Variants in EYS observed in about 807,000 individuals in gnomAD.
EYS encodes EGF-like photoreceptor maintenance factor, also known as protein eyes shut homolog.
Under a neutral mutation model 282.1 loss-of-function variants are expected in EYS, and 250 were observed. That is an observed-to-expected ratio of 0.89 (90% CI 0.80 to 0.98). The LOEUF is 0.98. Among genes scored for constraint, EYS ranks in the 50% least tolerant of loss-of-function variants. The probability of loss-of-function intolerance (pLI) is 0.00; values close to 1 mark genes in which losing one functional copy is unlikely to be tolerated. For synonymous variants in EYS, 1,355 were observed against 1,282.9 expected, an observed-to-expected ratio of 1.06 and a Z score of -1.20; for missense variants, 4,016 against 3,709.0, an observed-to-expected ratio of 1.08 and a Z score of -2.15.
chr6:65,342,152 A>G (rs973727695), intron 10 of EYS, among the ~76,000 whole-genome samples: 6 of 151,148 alleles, frequency 4.0e-5, no homozygotes, highest in Non-Finnish European at 8.9e-5. Flanking sequence ...GTACATATGT[A>G]TTTATTTATT....
chr6:64,600,656 A>G (rs749682201), intron 24 of EYS, among the ~76,000 whole-genome samples: 1 of 152,088 alleles, frequency 6.6e-6, no homozygotes, highest in Non-Finnish European at 1.5e-5. Context: ...TGTCTTTTCC[A>G]GCATACTACC....
chr6:64,192,392 G>A (rs1765142374), intron 31 of EYS, among the ~76,000 whole-genome samples: 2 of 152,130 alleles, frequency 1.3e-5, no homozygotes, highest in African/African-American at 4.8e-5. Context: ...TTTTAGACAT[G>A]AAGTCCTTGC....
chr6:64,282,263 T>G (rs909642354), intron 30 of EYS, among the ~76,000 whole-genome samples: 13 of 152,160 alleles, frequency 8.5e-5, no homozygotes, highest in African/African-American at 3.1e-4. Context: ...GTTGCAAAGA[T>G]TTTGGGACAG....
intron 8 of EYS, among the ~76,000 whole-genome samples, chr6:65,374,514 T>C (rs1432941733): frequency 6.7e-6 from 1 of 150,168 alleles, no homozygotes; most frequent in Non-Finnish European, 1.5e-5. Context: ...TTTTTTTTTT[T>C]TCGTACCCCA....
chr6:65,557,413 T>C (rs778017265), intron 2 of EYS, among the ~76,000 whole-genome samples: 1 of 152,110 alleles, frequency 6.6e-6, no homozygotes, highest in Non-Finnish European at 1.5e-5. Context: ...AGGTGCGAGT[T>C]TGTGTGAGGC....
At chr6:64,200,770 T>A (rs972682411) in intron 31 of EYS, among the ~76,000 whole-genome samples, 2 of 152,054 alleles carry the variant, frequency 1.3e-5, no homozygotes, top group Non-Finnish European at 2.9e-5. Context: ...TTAGTATTGA[T>A]AATTTGTATT....
intron 22 of EYS, among the ~76,000 whole-genome samples, chr6:64,735,616 T>C (rs1337012558): frequency 6.6e-6 from 1 of 152,176 alleles, no homozygotes; most frequent in Non-Finnish European, 1.5e-5. Flanking sequence ...TTTCTTAAAC[T>C]GAAAGGAAAA....
At chr6:65,464,098 T>C (rs1430228997) in intron 5 of EYS, among the ~76,000 whole-genome samples, 1 of 152,154 alleles carries the variant, frequency 6.6e-6, no homozygotes, top group African/African-American at 2.4e-5. Flanking sequence ...TTCCGATAAA[T>C]GGATGTAAAT....
chr6:64,363,699 A>T (rs529162630), intron 29 of EYS, among the ~76,000 whole-genome samples: 3 of 151,910 alleles, frequency 2.0e-5, no homozygotes, highest in Non-Finnish European at 4.4e-5. Flanking sequence ...CAATCTACCA[A>T]ATAGTGTGTC....
At chr6:63,914,061 G>A (rs1485318611) in intron 35 of EYS, among the ~76,000 whole-genome samples, 1 of 152,108 alleles carries the variant, frequency 6.6e-6, no homozygotes, top group Non-Finnish European at 1.5e-5. Flanking sequence ...TCCTATATAA[G>A]ATGGTGAACT....
At chr6:65,327,179 A>C (rs1433594902) in intron 11 of EYS, among the ~76,000 whole-genome samples, 1 of 151,586 alleles carries the variant, frequency 6.6e-6, no homozygotes, top group Non-Finnish European at 1.5e-5. Context: ...CCTAAATTCC[A>C]CCTTGATATA....
intron 19 of EYS, among the ~76,000 whole-genome samples, chr6:64,826,737 T>C (rs1418999229): frequency 6.6e-6 from 1 of 150,470 alleles, no homozygotes; most frequent in Non-Finnish European, 1.5e-5. Context: ...AGACTGTGTT[T>C]TTTTTTCTTA....
chr6:65,188,620 T>A (rs1321190374), intron 12 of EYS, among the ~76,000 whole-genome samples: 1 of 151,702 alleles, frequency 6.6e-6, no homozygotes, highest in Admixed American at 6.6e-5. Flanking sequence ...ATTAATGTTC[T>A]AATCAGCTGA....
intron 33 of EYS, among the ~76,000 whole-genome samples, chr6:64,052,820 C>T (rs892238494): frequency 4.8e-4 from 73 of 152,266 alleles, no homozygotes; most frequent in African/African-American, 1.6e-3. Context: ...TGCACTCATT[C>T]TCTCTTCTGC....
chr6:64,081,602 T>C (rs1264420311), intron 32 of EYS, among the ~76,000 whole-genome samples: 4 of 152,206 alleles, frequency 2.6e-5, no homozygotes, highest in African/African-American at 9.6e-5. Flanking sequence ...TATAGCCATA[T>C]GCTGTCAAAT....
chr6:64,114,223 G>T (rs1773303035), intron 31 of EYS, among the ~76,000 whole-genome samples: 1 of 152,122 alleles, frequency 6.6e-6, no homozygotes, highest in Admixed American at 6.5e-5. Flanking sequence ...TATAATTATT[G>T]AAATATTCCC....
At chr6:64,870,603 G>GAAT (rs1766566863) in intron 19 of EYS, among the ~76,000 whole-genome samples, 1 of 151,592 alleles carries the variant, frequency 6.6e-6, no homozygotes, top group African/African-American at 2.4e-5. Context: ...GAACCTTCCT[G>GAAT]AATAATACCT....
At chr6:65,623,729 C>T (rs728880) in intron 2 of EYS, among the ~76,000 whole-genome samples, 2 of 152,016 alleles carry the variant, frequency 1.3e-5, no homozygotes, top group African/African-American at 4.8e-5. Context: ...TGAATTAAAA[C>T]TAATGTATGT....
At chr6:64,135,044 C>T (rs1020804571) in intron 31 of EYS, among the ~76,000 whole-genome samples, 3 of 151,988 alleles carry the variant, frequency 2.0e-5, no homozygotes, top group African/African-American at 4.8e-5. Flanking sequence ...CCTTTGGAAC[C>T]GAACCTGTGG....
Sources: gnomAD v4.1 joint callset for allele counts (sites outside exome capture counted in the v4.1 genomes callset) on GRCh38, gnomAD v4.1.1 for gene constraint, MANE v1.5 for transcripts, NCBI Gene and HGNC (gene_info 2026-07-23, HGNC 2026-07-21) for gene names.